ZNF804B: variants seen among roughly 807,000 people sequenced by gnomAD.
ZNF804B encodes the protein zinc finger 804B.
A neutral mutation model predicts 101.4 loss-of-function variants in ZNF804B; 80 were observed. The observed-to-expected ratio is 0.79, with a 90% CI of 0.66 to 0.95. The LOEUF is 0.95. Ranked by LOEUF, ZNF804B falls within the 40% of genes least tolerant of loss-of-function variation. ZNF804B has a pLI of 0.00. For missense variants in ZNF804B, 1,673 were observed against 1,561.9 expected, an observed-to-expected ratio of 1.07 and a Z score of -1.20; for synonymous variants, 622 against 558.8, an observed-to-expected ratio of 1.11 and a Z score of -1.59.
intron 1 of ZNF804B, among the ~76,000 whole-genome samples, chr7:88,798,618 C>T (rs1790528548): frequency 6.6e-6 from 1 of 152,072 alleles, no homozygotes; most frequent in Non-Finnish European, 1.5e-5. Flanking sequence ...TTCATTGTCA[C>T]ATGGCTATCT....
chr7:88,845,237 A>G (rs965535120), intron 1 of ZNF804B, among the ~76,000 whole-genome samples: 3 of 152,204 alleles, frequency 2.0e-5, no homozygotes, highest in African/African-American at 7.2e-5. Context: ...GTAGAAAGGT[A>G]TAAACAGAAT....
Position 89,335,251 on chromosome 7 carries a change from T to C in ZNF804B, c.2269T>C (p.Cys757Arg), listed in dbSNP as rs774534424. Residue 757 changes from cysteine to arginine, a missense_variant, in exon 4 of 4, where the codon TGT (cysteine) becomes CGT (arginine). By Grantham distance (180) the Cys-to-Arg change is radical (BLOSUM62 -3). Transcript: ENST00000333190. ...HHSVERHKRK[C>R]LKHNCFYLSD... ...CTCAGTTGAAAGGCACAAACGGAAA[T>C]GTCTAAAGCACAACTGCTTCTACTT... 27 of 1,613,786 alleles carry C rather than the reference T, an allele frequency of 1.7e-5. 1 individual carries two copies. The highest frequency in any genetic ancestry group is 2.2e-5 in the South Asian group (2 of 91,080).
At chr7:89,046,743 A>G (rs904389095) in intron 1 of ZNF804B, among the ~76,000 whole-genome samples, 1 of 152,152 alleles carries the variant, frequency 6.6e-6, no homozygotes, top group African/African-American at 2.4e-5. Flanking sequence ...ATAGTTACTC[A>G]TATAGTTTCT....
chr7:88,935,386 AG>A (rs1191173017), intron 1 of ZNF804B, among the ~76,000 whole-genome samples: 9 of 146,542 alleles, frequency 6.1e-5, no homozygotes, highest in South Asian at 2.2e-4. Context: ...AAAAAAAAAA[AG>A]AATACACCTT....
intron 2 of ZNF804B, among the ~76,000 whole-genome samples, chr7:89,285,949 G>A (rs1379793425): frequency 3.3e-5 from 5 of 152,070 alleles, no homozygotes; most frequent in Admixed American, 6.6e-5. Context: ...ACTCAATATG[G>A]GCACAATGAG....
At chr7:89,208,661 G>T (rs774896032) in intron 1 of ZNF804B, among the ~76,000 whole-genome samples, 4 of 152,130 alleles carry the variant, frequency 2.6e-5, no homozygotes, top group Admixed American at 6.5e-5. Flanking sequence ...GATGAAATTG[G>T]TGGTGGCCAA....
intron 1 of ZNF804B, among the ~76,000 whole-genome samples, chr7:89,153,439 A>ATAT (rs1790908656): frequency 8.9e-6 from 1 of 111,958 alleles, no homozygotes; most frequent in Admixed American, 8.8e-5. Context: ...GATAATAATA[A>ATAT]TAATAATAAT....
In ZNF804B at chr7:89,075,262, C is replaced by T. The variant is rs144561822; in HGVS notation, c.109-142893C>T. The stretch of plus-strand genomic sequence containing the variant: ...CTCTAGGGCATGTCAGACGTCTCTA[C>T]GGCAGCCCCTCCCATCACAGACCAG... On this transcript the variant is annotated intron_variant, in intron 1 of 3. Transcript: ENST00000333190. 3.7e-4 allele frequency among the ~76,000 whole-genome samples: 57 copies of T among 152,238 alleles called. No individual in the cohort carries two copies. The East Asian group carries it at 9.3e-3, about 25-fold the overall frequency.
rs535881250 is a variant in ZNF804B, at chr7:89,237,825, A to G, written c.249+19530A>G. On this transcript the variant is annotated intron_variant, in intron 2 of 3. Transcript: ENST00000333190. ...AAATTACACACCAAAGATCTGTCAT[A>G]TACAATTGCTTTATTCCAGATACTC... is the stretch of plus-strand genomic sequence containing the variant. Among the ~76,000 whole-genome samples the G allele has an allele frequency of 3.9e-5, 6 of 152,318 alleles. No homozygotes were observed. The South Asian group carries it at 1.2e-3, about 32-fold the overall frequency.
intron 2 of ZNF804B, among the ~76,000 whole-genome samples, chr7:89,277,619 G>A (rs1308623835): frequency 1.3e-4 from 20 of 150,244 alleles, no homozygotes; most frequent in Middle Eastern, 3.4e-3. Flanking sequence ...TTGTTCTTCC[G>A]ATACTTTACT....
intron 1 of ZNF804B, among the ~76,000 whole-genome samples, chr7:88,766,329 AC>A (rs1184460010): frequency 6.6e-6 from 1 of 152,096 alleles, no homozygotes. Context: ...AATAAATAAA[AC>A]ATAAAAGGGG....
intron 2 of ZNF804B, among the ~76,000 whole-genome samples, chr7:89,291,946 G>A (rs904662096): frequency 5.3e-5 from 8 of 152,028 alleles, no homozygotes; most frequent in African/African-American, 1.7e-4. Context: ...GACTTTTTAG[G>A]GAAACCTTAC....
At chr7:89,181,550 A>G (rs567802033) in intron 1 of ZNF804B, among the ~76,000 whole-genome samples, 1 of 152,318 alleles carries the variant, frequency 6.6e-6, no homozygotes, top group East Asian at 1.9e-4. Context: ...TCTTCGTGCC[A>G]TGCAGACACT....
At chr7:89,296,456 G>C (rs1338014653) in intron 2 of ZNF804B, among the ~76,000 whole-genome samples, 1 of 151,890 alleles carries the variant, frequency 6.6e-6, no homozygotes, top group East Asian at 1.9e-4. Context: ...GAGAGTCTTT[G>C]GGAGGACAGA....
chr7:88,805,320 T>G (rs1376555458), intron 1 of ZNF804B, among the ~76,000 whole-genome samples: 3 of 152,222 alleles, frequency 2.0e-5, no homozygotes, highest in Non-Finnish European at 4.4e-5. Flanking sequence ...CATATTGTTT[T>G]TATTCCATGT....
chr7:89,085,221 G>A (rs917444922), intron 1 of ZNF804B, among the ~76,000 whole-genome samples: 2 of 151,842 alleles, frequency 1.3e-5, no homozygotes, highest in African/African-American at 2.4e-5. Flanking sequence ...CTATGTTTGA[G>A]ATTTTCTACT....
chr7:89,156,857 T>A (rs1790986517), intron 1 of ZNF804B, among the ~76,000 whole-genome samples: 1 of 152,198 alleles, frequency 6.6e-6, no homozygotes, highest in Admixed American at 6.5e-5. Context: ...TTTCTTACAT[T>A]TCTTTTTCAA....
At chr7:89,137,085 TG>T (rs1349149811) in intron 1 of ZNF804B, among the ~76,000 whole-genome samples, 1 of 152,072 alleles carries the variant, frequency 6.6e-6, no homozygotes, top group South Asian at 2.1e-4. Context: ...TTCTCAGGTA[TG>T]TCTTTATCAG....
chr7:89,207,355 C>T (rs1788729681), intron 1 of ZNF804B, among the ~76,000 whole-genome samples: 1 of 152,178 alleles, frequency 6.6e-6, no homozygotes, highest in African/African-American at 2.4e-5. Flanking sequence ...AGCAAGGTCA[C>T]ATCTCACATG....
Sources: allele counts gnomAD v4.1 joint callset (sites outside exome capture counted in the v4.1 genomes callset), GRCh38; gene constraint gnomAD v4.1.1; transcripts MANE v1.5; gene names NCBI Gene and HGNC (gene_info 2026-07-23, HGNC 2026-07-21).